FPR3: variants seen among roughly 807,000 people sequenced by gnomAD.
FPR3 encodes the protein formyl peptide receptor 3, also known as N-formyl peptide receptor 3.
For missense variants in FPR3, 346 were observed against 443.2 expected, an observed-to-expected ratio of 0.78 and a Z score of 1.97; for synonymous variants, 135 against 163.6, an observed-to-expected ratio of 0.83 and a Z score of 1.34.
chr19:51,824,987 G>A lies in FPR3; in HGVS notation c.*177G>A. On this transcript the variant is annotated 3_prime_UTR_variant, in exon 2 of 2. Transcript: ENST00000339223. This position sits in a 1 kb window ranked among gnomAD's most constrained non-coding sequence, Gnocchi z 4.7. Reference sequence around the variant, plus strand: ...CACAACCAAGCAATAGACACCAGCTGGGTGTCCTACAATTAAATTCCAACA... The same window carrying A: ...CACAACCAAGCAATAGACACCAGCTAGGTGTCCTACAATTAAATTCCAACA... 1.7e-6 allele frequency: 1 copy of A among 599,138 alleles called. No homozygotes were observed. Among genetic ancestry groups the A allele is most frequent in the Non-Finnish European group, 3.0e-6 (1 of 332,286 alleles). 37.1% of individuals were successfully genotyped at this position (599,138 alleles called of 1,614,324 possible).
chr19:51,797,016 G>C (rs1008432780), intron 1 of FPR3, among the ~76,000 whole-genome samples: 2 of 152,218 alleles, frequency 1.3e-5, no homozygotes, highest in African/African-American at 2.4e-5. Context: ...AAGAGGAAGA[G>C]AATCGAGCTG....
intron 1 of FPR3, among the ~76,000 whole-genome samples, chr19:51,815,002 G>A (rs935457879): frequency 2.0e-5 from 3 of 151,154 alleles, no homozygotes; most frequent in Admixed American, 6.6e-5. Context: ...TAGAGGCGGG[G>A]TTTCACCTTG....
In FPR3 at chr19:51,824,516, T is replaced by C; in HGVS notation, c.768T>C (p.Pro256=). ...CTTCTTTCTTCATCTGTTGGTTCCC[T>C]TATGAACTAATTGGCATTCTAATGG... ...VVASFFICWF[P]YELIGILMAV... Residue 256 remains proline (P), a synonymous_variant, in exon 2 of 2, where the codon CCT becomes CCC. Coordinates refer to ENST00000339223, the MANE Select transcript of FPR3 (RefSeq NM_002030.5). The surrounding 1 kb of genome is among the most constrained non-coding windows in gnomAD (Gnocchi z 4.7). 1 of 1,614,100 alleles carries C rather than the reference T, an allele frequency of 6.2e-7. No individual in the cohort carries two copies. Among genetic ancestry groups the C allele is most frequent in the East Asian group, 2.2e-5 (1 of 44,868 alleles).
chr19:51,795,501 A>ATTTTTTTTTTT lies in FPR3; in HGVS notation c.-11+172_-11+173insTTTTTTTTTTT. ...TAATTTGGTTACATGTTCCAGTAAC[A>ATTTTTTTTTTT]TTCTTTTTTTTTTTTTTTTTTTTTT... On this transcript the variant is annotated intron_variant, in intron 1 of 1. Coordinates refer to ENST00000339223, the MANE Select transcript of FPR3 (RefSeq NM_002030.5). Among the ~76,000 whole-genome samples the ATTTTTTTTTTT allele has an allele frequency of 2.7e-3, 205 of 77,054 alleles. 6 individuals are homozygous for ATTTTTTTTTTT. The highest frequency in any genetic ancestry group is 3.9e-3 in the South Asian group (7 of 1,816). The allele number at this position is 77,054 out of a possible 152,430, so 50.6% of individuals were successfully genotyped here. A position where few individuals can be genotyped will look rare whatever the true frequency, so the allele number is the denominator to read the frequency against.
intron 1 of FPR3, chr19:51,804,182 T>C (rs1321641557): frequency 6.6e-6 from 1 of 152,052 alleles, no homozygotes; most frequent in African/African-American, 2.4e-5. Context: ...CAAGCTTAAT[T>C]TTCTCATACG....
chr19:51,804,071 A>G (rs2084042154), intron 1 of FPR3: 1 of 152,144 alleles, frequency 6.6e-6, no homozygotes, highest in African/African-American at 2.4e-5. Context: ...TGAAGGCATA[A>G]TTCTGGCCAA....
intron 1 of FPR3, among the ~76,000 whole-genome samples, chr19:51,796,048 A>C (rs1224526025): frequency 6.6e-6 from 1 of 152,162 alleles, no homozygotes; most frequent in Non-Finnish European, 1.5e-5. Context: ...AGAGAAGATA[A>C]ATGAACAAAC....
intron 1 of FPR3, among the ~76,000 whole-genome samples, chr19:51,802,601 G>T (rs920197162): frequency 5.3e-5 from 8 of 152,134 alleles, no homozygotes; most frequent in African/African-American, 1.9e-4. Flanking sequence ...AAAACTACAA[G>T]AAAACAGAAA....
At chr19:51,799,920 C>A (rs556135647) in intron 1 of FPR3, among the ~76,000 whole-genome samples, 1 of 152,368 alleles carries the variant, frequency 6.6e-6, no homozygotes, top group South Asian at 2.1e-4. Context: ...GAGAGCTGGC[C>A]AGGATGCTGA....
At chr19:51,796,779 A>C (rs2084001916) in intron 1 of FPR3, among the ~76,000 whole-genome samples, 1 of 152,240 alleles carries the variant, frequency 6.6e-6, no homozygotes, top group Non-Finnish European at 1.5e-5. Context: ...GAGGCAGAGA[A>C]CATCAACAGT....
intron 1 of FPR3, among the ~76,000 whole-genome samples, chr19:51,813,158 A>ACACACC (rs982666908): frequency 2.0e-5 from 3 of 149,200 alleles, no homozygotes; most frequent in African/African-American, 7.6e-5. Context: ...ACACACACAC[A>ACACACC]CACCCCATAA....
intron 1 of FPR3, among the ~76,000 whole-genome samples, chr19:51,820,230 C>T (rs1910851086): frequency 2.0e-5 from 3 of 152,010 alleles, no homozygotes; most frequent in Admixed American, 6.6e-5. Context: ...AAGGAAGTGC[C>T]GAGTTTCCAT....
chr19:51,801,104 AATAAC>A (rs762850102), intron 1 of FPR3, among the ~76,000 whole-genome samples: 8 of 152,118 alleles, frequency 5.3e-5, no homozygotes, highest in Non-Finnish European at 1.0e-4. Context: ...AATAGAAAAA[AATAAC>A]AGAGAGACTG....
At chr19:51,809,439 T>C (rs1229993174) in intron 1 of FPR3, among the ~76,000 whole-genome samples, 1 of 152,222 alleles carries the variant, frequency 6.6e-6, no homozygotes, top group Non-Finnish European at 1.5e-5. Context: ...GGTAGGTCTA[T>C]TAGAGGCTAT....
At chr19:51,799,687 C>A (rs2084018077) in intron 1 of FPR3, among the ~76,000 whole-genome samples, 1 of 152,220 alleles carries the variant, frequency 6.6e-6, no homozygotes, top group Admixed American at 6.5e-5. Context: ...CTCTTTGAGG[C>A]TCCAGGCTCC....
At chr19:51,795,593 AACCTCTGCCTCCC>A (rs1394438862) in intron 1 of FPR3, among the ~76,000 whole-genome samples, 2 of 130,700 alleles carry the variant, frequency 1.5e-5, no homozygotes, top group East Asian at 4.8e-4. Context: ...AGCCCACTGC[AACCTCTGCCTCCC>A]AGGTTCAAGC....
Position 51,824,258 on chromosome 19 carries a change from G to A in FPR3, c.510G>A (p.Thr170=), listed in dbSNP as rs749221285. The stretch of plus-strand genomic sequence containing the variant: ...TCTTCTGGACTACAATAAGTACTAC[G>A]AATGGGGACACATACTGTATTTTCA... ...NFIFWTTIST[T]NGDTYCIFNF... is the part of the protein sequence containing the mutation. Residue 170 remains threonine (T), a synonymous_variant, in exon 2 of 2, where the codon ACG becomes ACA. Coordinates refer to ENST00000339223, the MANE Select transcript of FPR3 (RefSeq NM_002030.5). This position sits in a 1 kb window ranked among gnomAD's most constrained non-coding sequence, Gnocchi z 4.7. 44 of 1,614,016 alleles carry A rather than the reference G, an allele frequency of 2.7e-5. No individual in the cohort carries two copies. Among genetic ancestry groups the A allele is most frequent in the Admixed American group, 1.5e-4 (9 of 60,002 alleles).
At chr19:51,800,253 G>A (rs1189039789) in intron 1 of FPR3, among the ~76,000 whole-genome samples, 4 of 152,200 alleles carry the variant, frequency 2.6e-5, no homozygotes, top group Non-Finnish European at 4.4e-5. Flanking sequence ...CTCAGAGGTC[G>A]ATCGGGTCAC....
intron 1 of FPR3, among the ~76,000 whole-genome samples, chr19:51,804,291 G>A (rs2084043736): frequency 6.6e-6 from 1 of 152,128 alleles, no homozygotes; most frequent in South Asian, 2.1e-4. Flanking sequence ...TAAGTACTGG[G>A]CAGAATCCAG....
Sources: allele counts gnomAD v4.1 joint callset (sites outside exome capture counted in the v4.1 genomes callset), GRCh38; gene constraint gnomAD v4.1.1; non-coding constraint Gnocchi (gnomAD v3.1); transcripts MANE v1.5; gene names NCBI Gene and HGNC (gene_info 2026-07-23, HGNC 2026-07-21).